Variants in PER1 observed in about 807,000 individuals in gnomAD.
PER1 encodes period circadian regulator 1, also known as period circadian protein homolog 1.
PER1 carries 87 observed loss-of-function variants against 125.9 expected under a neutral mutation model. That is an observed-to-expected ratio of 0.69 (90% CI 0.58 to 0.83). The LOEUF (loss-of-function observed/expected upper bound fraction) is 0.83. Ranked by LOEUF, PER1 falls within the 40% of genes least tolerant of loss-of-function variation. PER1 has a pLI of 0.00. For missense variants in PER1, 1,775 were observed against 1,722.8 expected, an observed-to-expected ratio of 1.03 and a Z score of -0.54; for synonymous variants, 801 against 714.7, an observed-to-expected ratio of 1.12 and a Z score of -1.93.
rs1349701014 is a variant in PER1 at position 8,148,213 on chromosome 17, T to C, written c.1095A>G (p.Thr365=). 6.2e-7 allele frequency: 1 copy of C among 1,614,044 alleles called. No individual in the cohort carries two copies. Among genetic ancestry groups the C allele is most frequent in the East Asian group, 2.2e-5 (1 of 44,856 alleles). The change falls in exon 9 of 23, where the codon ACA becomes ACG. Residue 365 remains threonine (T), a synonymous_variant. Coordinates refer to ENST00000317276, the MANE Select transcript of PER1 (RefSeq NM_002616.3). ...CCACATCCTGGAAGAGGCAGCTGGG[T>C]GTGTGCCGCGTAGTGAAAATCCTCT... ...PDKRIFTTRH[T]PSCLFQDVDE...
At chr17:8,143,926 C>A in intron 18 of PER1, 50 bp from the exon 19 acceptor site, 1 of 1,551,586 alleles carries the variant, frequency 6.4e-7, no homozygotes, top group Non-Finnish European at 8.7e-7. Context: ...GGGTTAGTAC[C>A]CCTGCTACCC....
chr17:8,150,657 C>T lies in PER1; in HGVS notation c.50G>A (p.Gly17Glu), dbSNP rs1982803307. The T allele has an allele frequency of 6.2e-7, 1 of 1,602,312 alleles. No homozygotes were observed. The highest frequency in any genetic ancestry group is 8.5e-7 in the Non-Finnish European group (1 of 1,175,112). The change falls in exon 2 of 23, where the codon GGG (glycine) becomes GAG (glutamate). Residue 17 changes from glycine (G) to glutamate (E), a missense_variant. Transcript: ENST00000317276. ...GADGGGDPRP[G>E]ESFCPGGVPS... ...GACGCCCCCAGGACAAAATGATTCCCCAGGCCTGGGGTCCCCTCCCCCATC... is the reference window on the plus strand; with the variant it reads ...GACGCCCCCAGGACAAAATGATTCCTCAGGCCTGGGGTCCCCTCCCCCATC...
Position 8,140,755 on chromosome 17 carries a change from C to T in PER1, c.*313G>A, listed in dbSNP as rs1381688244. On this transcript the variant is annotated 3_prime_UTR_variant, in exon 23 of 23. Coordinates refer to ENST00000317276, the MANE Select transcript of PER1 (RefSeq NM_002616.3). ...AGCCCCAACCCTCAAGAGTCAGATT[C>T]AGGCTCAGCTGGAATATGGAGAGGC... The T allele has an allele frequency of 6.0e-6, 2 of 333,398 alleles. No homozygotes were observed. Among genetic ancestry groups the T allele is most frequent in the African/African-American group, 2.0e-5 (1 of 49,702 alleles). 20.7% of individuals were successfully genotyped at this position (333,398 alleles called of 1,614,324 possible).
Position 8,148,213 on chromosome 17 carries a change from T to G in PER1, c.1095A>C (p.Thr365=), listed in dbSNP as rs1349701014. 1.2e-6 allele frequency: 2 copies of G among 1,613,926 alleles called. No homozygotes were observed. Among genetic ancestry groups the G allele is most frequent in the Admixed American group, 1.7e-5 (1 of 59,992 alleles). ...PDKRIFTTRH[T]PSCLFQDVDE... ...CCACATCCTGGAAGAGGCAGCTGGG[T>G]GTGTGCCGCGTAGTGAAAATCCTCT... Residue 365 remains threonine, a synonymous_variant, in exon 9 of 23, where the codon ACA becomes ACC. Transcript: ENST00000317276.
chr17:8,146,206 GA>G, intron 16 of PER1, 69 bp from the exon 17 acceptor site: 3 of 1,539,280 alleles, frequency 1.9e-6, no homozygotes, highest in Non-Finnish European at 8.8e-7. Flanking sequence ...GGATCCCAGG[GA>G]AAAGGGGAAG....
chr17:8,150,407 A>G, intron 2 of PER1, 25 bp downstream of exon 2: 3 of 1,587,278 alleles, frequency 1.9e-6, no homozygotes, highest in Non-Finnish European at 2.6e-6. Context: ...CCATTCCTAG[A>G]CCCAACATAC....
At position 8,150,656 on chromosome 17, in the gene PER1, C is replaced by T. The variant is rs1215483856; in HGVS notation, c.51G>A (p.Gly17=). Residue 17 remains glycine (G), a synonymous_variant, in exon 2 of 23, where the codon GGG becomes GGA. Transcript: ENST00000317276. ...GGACGCCCCCAGGACAAAATGATTC[C>T]CCAGGCCTGGGGTCCCCTCCCCCAT... The part of the protein sequence containing the change: ...GADGGGDPRP[G]ESFCPGGVPS... 5.0e-6 allele frequency: 8 copies of T among 1,602,766 alleles called. No individual in the cohort carries two copies. The highest frequency in any genetic ancestry group is 5.1e-6 in the Non-Finnish European group (6 of 1,175,216).
chr17:8,145,855 C>T (rs1982397943), intron 17 of PER1, 103 bp downstream of exon 17: 1 of 1,333,352 alleles, frequency 7.5e-7, no homozygotes, highest in Non-Finnish European at 1.0e-6. Context: ...AGGGAGGCCT[C>T]CTTCTCTCCA....
chr17:8,148,566 C>A, intron 8 of PER1, 78 bp downstream of exon 8: 1 of 1,481,354 alleles, frequency 6.8e-7, no homozygotes, highest in Admixed American at 2.3e-5. Context: ...GTGGTTCATG[C>A]CTCCCAAATT....
Position 8,144,949 on chromosome 17 carries a change from C to A in PER1, c.2263G>T (p.Ala755Ser). The change falls in exon 18 of 23, where the codon GCC becomes TCC. Residue 755 changes from alanine to serine, a missense_variant. Transcript: ENST00000317276. The part of the protein sequence containing the change: ...EDLPGLAPGP[A>S]PSPAPSPTVA... ...GTGGGGCTGGGGGCTGGGCTGGGGGCTGGGCCTGGGGCTAGGCCAGGCAGG... is the reference window on the plus strand; with the variant it reads ...GTGGGGCTGGGGGCTGGGCTGGGGGATGGGCCTGGGGCTAGGCCAGGCAGG... The A allele has an allele frequency of 6.6e-7, 1 of 1,513,356 alleles. No individual in the cohort carries two copies. The highest frequency in any genetic ancestry group is 8.8e-7 in the Non-Finnish European group (1 of 1,131,112). 93.7% of individuals were successfully genotyped at this position (1,513,356 alleles called of 1,614,324 possible).
chr17:8,150,692 T>G lies in PER1; in HGVS notation c.15A>C (p.Leu5=). MSGP[L]EGADGGGDPR... The stretch of plus-strand genomic sequence containing the variant: ...GGTCCCCTCCCCCATCAGCCCCTTC[T>G]AGGGGGCCACTCATGTCTGGGCCAT... The change falls in exon 2 of 23, where the codon CTA becomes CTC. Residue 5 remains leucine (L), a synonymous_variant. Coordinates refer to ENST00000317276, the MANE Select transcript of PER1 (RefSeq NM_002616.3). The G allele has an allele frequency of 6.4e-7, 1 of 1,564,760 alleles. No individual in the cohort carries two copies. The highest frequency in any genetic ancestry group is 8.6e-7 in the Non-Finnish European group (1 of 1,160,350).
chr17:8,141,545 A>G (rs1200626479), intron 22 of PER1, among the ~76,000 whole-genome samples: 1 of 152,228 alleles, frequency 6.6e-6, no homozygotes, highest in East Asian at 1.9e-4. Flanking sequence ...GTCACAATGC[A>G]TATTAGCATA....
rs1398406683 is a variant in PER1 at position 8,148,742 on chromosome 17, C to T, written c.950G>A (p.Arg317His). The T allele has an allele frequency of 7.4e-6, 12 of 1,613,850 alleles. 1 individual carries two copies. The highest frequency in any genetic ancestry group is 3.3e-5 in the South Asian group (3 of 91,060). ...GATCTTGGTCACATACGGGGTTAGGCGGAATGGCTGGTACCGAGGCCCTGG... is the reference window on the plus strand; with the variant it reads ...GATCTTGGTCACATACGGGGTTAGGTGGAATGGCTGGTACCGAGGCCCTGG... ...RDPGPRYQPF[R>H]LTPYVTKIRV... Residue 317 changes from arginine to histidine, a missense_variant, in exon 8 of 23, where the codon CGC (arginine) becomes CAC (histidine). Transcript: ENST00000317276.
intron 17 of PER1, among the ~76,000 whole-genome samples, chr17:8,145,454 G>C (rs749638757): frequency 6.6e-6 from 1 of 151,666 alleles, no homozygotes; most frequent in Non-Finnish European, 1.5e-5. Context: ...CTCCCGAGTA[G>C]CTGGGACTAC....
At position 8,142,039 on chromosome 17, in the gene PER1, A is replaced by G. The variant is rs770426746; in HGVS notation, c.3450-84T>C. On this transcript the variant is annotated intron_variant, in intron 21 of 22. Transcript: ENST00000317276. The stretch of plus-strand genomic sequence containing the variant: ...ATGAAGCTGGCATCCTTCCTCTACC[A>G]CAGCTTCCCACCTCATGCTCCTCCC... 3 of 1,540,496 alleles carry G rather than the reference A, an allele frequency of 1.9e-6. No individual in the cohort carries two copies. In the African/African-American group the frequency reaches 4.1e-5, roughly 21 times the overall value.
chr17:8,147,829 T>C lies in PER1; in HGVS notation c.1235-2A>G. The C allele has an allele frequency of 6.2e-7, 1 of 1,613,426 alleles. No homozygotes were observed. On this transcript the variant is annotated splice_acceptor_variant, in intron 10 of 22. Coordinates refer to ENST00000317276, the MANE Select transcript of PER1 (RefSeq NM_002616.3). LOFTEE classifies it high-confidence loss of function. ...AGGGCTGGCCCGCCAACTGCAGAACTGATGGAAGTGGGAAAGGAGGAGCGG... is the reference window on the plus strand; with the variant it reads ...AGGGCTGGCCCGCCAACTGCAGAACCGATGGAAGTGGGAAAGGAGGAGCGG...
chr17:8,143,303 G>A lies in PER1; in HGVS notation c.3035C>T (p.Pro1012Leu). ...GGPGSSAGPP[P>L]PSAEAAEPEA... is the part of the protein sequence containing the mutation. Reference sequence around the variant, plus strand: ...TGGCTCAGCAGCCTCCGCACTGGGAGGTGGGGGCCCGGCACTGCTCCCAGG... The same window carrying A: ...TGGCTCAGCAGCCTCCGCACTGGGAAGTGGGGGCCCGGCACTGCTCCCAGG... Residue 1012 changes from proline to leucine, a missense_variant, in exon 19 of 23, where the codon CCT becomes CTT. Pro to Leu is a moderately conservative substitution (Grantham distance 98, BLOSUM62 -3). Transcript: ENST00000317276. 2 of 1,585,232 alleles carry A rather than the reference G, an allele frequency of 1.3e-6. No homozygotes were observed. The highest frequency in any genetic ancestry group is 1.7e-6 in the Non-Finnish European group (2 of 1,164,818).
intron 1 of PER1, among the ~76,000 whole-genome samples, chr17:8,151,477 T>A (rs890712654): frequency 7.3e-5 from 11 of 151,712 alleles, no homozygotes; most frequent in African/African-American, 2.7e-4. Context: ...ATATCCCCAG[T>A]CCCAGGATGG....
chr17:8,147,150 G>C (rs563297809), intron 13 of PER1, 100 bp downstream of exon 13: 1 of 1,470,372 alleles, frequency 6.8e-7, no homozygotes, highest in African/African-American at 1.4e-5. Context: ...GAAGGAGAGG[G>C]CAAAGGAGGA....
Sources: allele counts gnomAD v4.1 joint callset (sites outside exome capture counted in the v4.1 genomes callset), GRCh38; gene constraint gnomAD v4.1.1; transcripts MANE v1.5; gene names NCBI Gene and HGNC (gene_info 2026-07-23, HGNC 2026-07-21).